The following ZNF761 variants were observed in gnomAD, a reference collection of about 807,000 sequenced individuals.
ZNF761 encodes zinc finger protein 761.
In ZNF761, 43 loss-of-function variants were observed where a neutral mutation model predicts 59.9. The observed-to-expected ratio is 0.72, with a 90% confidence interval of 0.56 to 0.92. The LOEUF (loss-of-function observed/expected upper bound fraction) is 0.92, where lower values mean the gene tolerates loss of function less well. Among genes scored for constraint, ZNF761 ranks in the 40% least tolerant of loss-of-function variants. The pLI is 0.00. For missense variants in ZNF761, 850 were observed against 906.1 expected (o/e 0.94, Z 0.79); for synonymous variants, 294 against 304.8 (o/e 0.96, Z 0.37).
chr19:53,457,472 C>A lies in ZNF761; in HGVS notation c.*724C>A. ...CTCATGAGACATCAGAGAATGCATACTGGACAGAAATCTTACAAATGTCAT... is the reference window on the plus strand; with the variant it reads ...CTCATGAGACATCAGAGAATGCATAATGGACAGAAATCTTACAAATGTCAT... On this transcript the variant is annotated 3_prime_UTR_variant, in exon 5 of 5. Coordinates refer to ENST00000684525, the MANE Select transcript of ZNF761 (RefSeq NM_001289951.2). 2.5e-6 allele frequency: 1 copy of A among 401,070 alleles called. No individual in the cohort carries two copies. The highest frequency in any genetic ancestry group is 2.0e-5 in the South Asian group (1 of 51,004). The allele number at this position is 401,070 out of a possible 1,614,324, so 24.8% of individuals were successfully genotyped here.
intron 1 of ZNF761, chr19:53,443,682 A>T (rs185780069): frequency 6.6e-6 from 1 of 152,318 alleles, no homozygotes; most frequent in Non-Finnish European, 1.5e-5. Context: ...TGGGAGTGCT[A>T]GAAGCAAAGA....
chr19:53,458,015 T>G lies in ZNF761; in HGVS notation c.*1267T>G, dbSNP rs2086286694. On this transcript the variant is annotated 3_prime_UTR_variant, in exon 5 of 5. Coordinates refer to ENST00000684525, the MANE Select transcript of ZNF761 (RefSeq NM_001289951.2). ...ATTTCAAGGTACAAACTTCTGACCT[T>G]TGTACGTTTATTTCTAAGTATTTCT... 1.3e-5 allele frequency: 2 copies of G among 152,558 alleles called. No individual in the cohort carries two copies. Among genetic ancestry groups the G allele is most frequent in the Admixed American group, 1.3e-4 (2 of 15,290 alleles). 9.5% of individuals were successfully genotyped at this position (152,558 alleles called of 1,614,324 possible).
At chr19:53,443,419 T>C (rs1162223709) in intron 1 of ZNF761, 2 of 152,450 alleles carry the variant, frequency 1.3e-5, no homozygotes, top group Non-Finnish European at 2.9e-5. Context: ...AAAGACAAGT[T>C]AAGAATGCAT....
At chr19:53,433,799 C>T (rs1282189136) in intron 1 of ZNF761, among the ~76,000 whole-genome samples, 1 of 152,140 alleles carries the variant, frequency 6.6e-6, no homozygotes, top group Non-Finnish European at 1.5e-5. Context: ...GCTAGAACTA[C>T]TCCTATTAAG....
At chr19:53,448,399 A>AT (rs1450135943) in intron 3 of ZNF761, among the ~76,000 whole-genome samples, 10 of 152,088 alleles carry the variant, frequency 6.6e-5, no homozygotes, top group Non-Finnish European at 1.5e-4. Flanking sequence ...TGCAGCTTAG[A>AT]TTTTTTGCCA....
chr19:53,456,427 C>T lies in ZNF761; in HGVS notation c.1920C>T (p.Asp640=). The T allele has an allele frequency of 6.2e-7, 1 of 1,613,502 alleles. No homozygotes were observed. The highest frequency in any genetic ancestry group is 2.2e-5 in the East Asian group (1 of 44,774). Residue 640 remains aspartate (D), a synonymous_variant, in exon 5 of 5, where the codon GAC becomes GAT. Transcript: ENST00000684525. ...AACCTTACAAATGTGAAGAATGTGA[C>T]AAAGCTTTCCGTGTGAAATCAAACC... The part of the protein sequence containing the change: ...GEKPYKCEEC[D]KAFRVKSNLE...
intron 2 of ZNF761, among the ~76,000 whole-genome samples, chr19:53,446,581 A>C (rs901930394): frequency 6.6e-6 from 1 of 151,578 alleles, no homozygotes; most frequent in Non-Finnish European, 1.5e-5. Flanking sequence ...CTGTGTTGGC[A>C]AGGCTGGTCT....
chr19:53,440,976 T>C (rs2086093511), intron 1 of ZNF761, among the ~76,000 whole-genome samples: 2 of 152,222 alleles, frequency 1.3e-5, no homozygotes, highest in African/African-American at 4.8e-5. Context: ...ACACCTGGTC[T>C]ACATAGTACT....
intron 1 of ZNF761, among the ~76,000 whole-genome samples, chr19:53,441,595 C>T (rs1182451385): frequency 1.3e-5 from 2 of 151,810 alleles, no homozygotes; most frequent in Non-Finnish European, 2.9e-5. Context: ...TACAGTCCCG[C>T]ACCACCACAC....
At chr19:53,449,821 C>G in intron 4 of ZNF761, 183 bp downstream of exon 4, 1 of 1,391,574 alleles carries the variant, frequency 7.2e-7, no homozygotes. Context: ...CCCCCGGTAG[C>G]TGGTACAGGT....
chr19:53,445,923 A>G (rs1450403143), intron 1 of ZNF761, among the ~76,000 whole-genome samples: 1 of 152,250 alleles, frequency 6.6e-6, no homozygotes, highest in Non-Finnish European at 1.5e-5. Flanking sequence ...GCCAGTGTCC[A>G]GCCTCCTCCT....
At chr19:53,433,047 G>A (rs1293894992) in intron 1 of ZNF761, among the ~76,000 whole-genome samples, 65 of 31,246 alleles carry the variant, frequency 2.1e-3, no homozygotes, top group East Asian at 0.019. Context: ...TGGGGACAGG[G>A]GGGTATAACA....
rs2086113463 is a variant in ZNF761 at position 53,442,741 on chromosome 19, T to G, written c.-184-3486T>G. On this transcript the variant is annotated intron_variant, in intron 1 of 4. Coordinates refer to ENST00000684525, the MANE Select transcript of ZNF761 (RefSeq NM_001289951.2). ...GCTGCTTTCTCCTTTTGCCACCCCC[T>G]CCTTCCCTGCCTCTTTTTCACCAAA... 6.3e-6 allele frequency: 2 copies of G among 315,224 alleles called. 1 individual carries two copies. The highest frequency in any genetic ancestry group is 1.3e-5 in the Non-Finnish European group (2 of 153,316). The allele number at this position is 315,224 out of a possible 1,614,324, so 19.5% of individuals were successfully genotyped here. A position where few individuals can be genotyped will look rare whatever the true frequency, so the allele number is the denominator to read the frequency against.
In ZNF761 at chr19:53,455,590, G is replaced by C; in HGVS notation, c.1083G>C (p.Lys361Asn). Residue 361 changes from lysine (K) to asparagine (N), a missense_variant, in exon 5 of 5, where the codon AAG (lysine) becomes AAC (asparagine). Coordinates refer to ENST00000684525, the MANE Select transcript of ZNF761 (RefSeq NM_001289951.2). ...CTTACAAGTGTAATGAGTGTGGCAA[G>C]ACCTTTAGTCACAAGTCATCCCTTA... ...EKPYKCNECGKTFSHKSSLTC... is the reference protein window; with the variant it reads ...EKPYKCNECGNTFSHKSSLTC... 6.2e-7 allele frequency: 1 copy of C among 1,613,918 alleles called. No individual in the cohort carries two copies. Among genetic ancestry groups the C allele is most frequent in the East Asian group, 2.2e-5 (1 of 44,850 alleles).
At chr19:53,435,982 G>T (rs894385495) in intron 1 of ZNF761, among the ~76,000 whole-genome samples, 1 of 152,084 alleles carries the variant, frequency 6.6e-6, no homozygotes, top group African/African-American at 2.4e-5. Context: ...AGCTGGGCTT[G>T]TCGTCCCCTC....
chr19:53,455,136 T>A lies in ZNF761; in HGVS notation c.629T>A (p.Met210Lys). 1 of 1,614,166 alleles carries A rather than the reference T, an allele frequency of 6.2e-7. No homozygotes were observed. Among genetic ancestry groups the A allele is most frequent in the Non-Finnish European group, 8.5e-7 (1 of 1,180,014 alleles). ...CTCACACAAAAACAGGAAGTACACA[T>A]GAGAGAAAAATCTTTCCAATGTAAT... ...SLLTQKQEVH[M>K]REKSFQCNES... is the part of the protein sequence containing the mutation. The change falls in exon 5 of 5, where the codon ATG (methionine) becomes AAG (lysine). Residue 210 changes from methionine to lysine, a missense_variant. Coordinates refer to ENST00000684525, the MANE Select transcript of ZNF761 (RefSeq NM_001289951.2).
At chr19:53,454,485 C>T (rs541771516) in intron 4 of ZNF761, among the ~76,000 whole-genome samples, 165 bp from the exon 5 acceptor site, 1 of 152,234 alleles carries the variant, frequency 6.6e-6, no homozygotes, top group African/African-American at 2.4e-5. Flanking sequence ...CACATGTAAT[C>T]GCCCTTTATT....
At chr19:53,443,535 G>A (rs2086122219) in intron 1 of ZNF761, 1 of 152,258 alleles carries the variant, frequency 6.6e-6, no homozygotes, top group African/African-American at 2.4e-5. Context: ...GTGAGGATGT[G>A]GGGTTTGAAA....
At position 53,457,413 on chromosome 19, in the gene ZNF761, G is replaced by A; in HGVS notation, c.*665G>A. On this transcript the variant is annotated 3_prime_UTR_variant, in exon 5 of 5. Coordinates refer to ENST00000684525, the MANE Select transcript of ZNF761 (RefSeq NM_001289951.2). ...TTCATACAGGAGAGAAACCTCACAT[G>A]TGTGATGATAGTGGCAAAGCCTTCA... The A allele has an allele frequency of 2.5e-6, 1 of 401,798 alleles. No individual in the cohort carries two copies. The highest frequency in any genetic ancestry group is 5.0e-6 in the Non-Finnish European group (1 of 200,974). The allele number at this position is 401,798 out of a possible 1,614,324, so 24.9% of individuals were successfully genotyped here.
Sources: gnomAD v4.1 joint callset for allele counts (sites outside exome capture counted in the v4.1 genomes callset) on GRCh38, gnomAD v4.1.1 for gene constraint, MANE v1.5 for transcripts, NCBI Gene and HGNC (gene_info 2026-07-23, HGNC 2026-07-21) for gene names.